The following ARMC1 variants were observed in gnomAD, a reference collection of about 807,000 sequenced individuals.
The protein encoded by ARMC1 is armadillo repeat containing 1.
A neutral mutation model predicts 31.4 loss-of-function variants in ARMC1; 16 were observed. The ratio of observed to expected loss-of-function variants is 0.51; its 90% CI spans 0.34 to 0.77. The LOEUF is 0.77. Among genes scored for constraint, ARMC1 ranks in the 30% least tolerant of loss-of-function variants. The pLI is 0.01. For synonymous variants in ARMC1, 114 were observed against 118.9 expected (o/e 0.96, Z 0.27); for missense variants, 259 against 347.5 (o/e 0.75, Z 2.02).
chr8:65,626,995 G>A (rs1357926588), intron 2 of ARMC1, among the ~76,000 whole-genome samples: 1 of 145,252 alleles, frequency 6.9e-6, no homozygotes, highest in African/African-American at 2.5e-5. Context: ...TCCAGGCCTA[G>A]ATGACTCAAA....
intron 4 of ARMC1, among the ~76,000 whole-genome samples, chr8:65,606,360 C>CA (rs11437403): frequency 0.45 from 51,638 of 115,520 alleles, 10,101 homozygotes; most frequent in Middle Eastern, 0.51. Flanking sequence ...GACACCATCT[C>CA]AAAAAAAAAA....
intron 4 of ARMC1, among the ~76,000 whole-genome samples, chr8:65,611,144 G>C (rs945912821): frequency 1.4e-4 from 21 of 152,154 alleles, no homozygotes; most frequent in African/African-American, 5.1e-4. Flanking sequence ...ATGTTGGCCA[G>C]GCTGGTCTCA....
At chr8:65,625,887 CTTTTT>C (rs1318215282) in intron 2 of ARMC1, among the ~76,000 whole-genome samples, 1 of 141,676 alleles carries the variant, frequency 7.1e-6, no homozygotes, top group African/African-American at 2.6e-5. Flanking sequence ...TTTTTAACAA[CTTTTT>C]TTTTTTTTTT....
chr8:65,610,098 T>TA (rs1001016939), intron 4 of ARMC1, among the ~76,000 whole-genome samples: 3 of 128,490 alleles, frequency 2.3e-5, no homozygotes, highest in Admixed American at 8.3e-5. Flanking sequence ...TAGACAAAAT[T>TA]AAAATTTTTT....
chr8:65,617,135 A>G (rs1185044126), intron 3 of ARMC1, among the ~76,000 whole-genome samples: 1 of 152,248 alleles, frequency 6.6e-6, no homozygotes, highest in East Asian at 1.9e-4. Context: ...CCAACAGCTC[A>G]TTGAGAACGG....
chr8:65,628,652 G>A (rs1462215353), intron 1 of ARMC1, among the ~76,000 whole-genome samples: 1 of 150,482 alleles, frequency 6.6e-6, no homozygotes, highest in East Asian at 2.0e-4. Flanking sequence ...GAGGTCAGGA[G>A]TTCGAGATCA....
chr8:65,615,705 T>G (rs1299354912), intron 3 of ARMC1, among the ~76,000 whole-genome samples: 1 of 151,672 alleles, frequency 6.6e-6, no homozygotes, highest in African/African-American at 2.4e-5. Context: ...AGGCTCCCTC[T>G]TAAAAAGAAA....
intron 1 of ARMC1, among the ~76,000 whole-genome samples, chr8:65,633,555 T>C (rs1808698488): frequency 1.3e-5 from 2 of 151,976 alleles, no homozygotes. Flanking sequence ...ACGAAAGGAG[T>C]TGCTAACTGC....
At chr8:65,629,692 G>A (rs1026568116) in intron 1 of ARMC1, among the ~76,000 whole-genome samples, 12 of 151,440 alleles carry the variant, frequency 7.9e-5, no homozygotes, top group African/African-American at 2.9e-4. Flanking sequence ...CCAGCTACTC[G>A]GGAGGCTGAG....
At position 65,613,453 on chromosome 8, in the gene ARMC1, A is replaced by G; in HGVS notation, c.276-20T>C. On this transcript the variant is annotated intron_variant, in intron 3 of 6. Coordinates refer to ENST00000276569, the MANE Select transcript of ARMC1 (RefSeq NM_018120.6). ...GTAGTTCTTGAAAAGAAACACATATATAATTAGTCTTGTCACTTCTACTGA... is the reference window on the plus strand; with the variant it reads ...GTAGTTCTTGAAAAGAAACACATATGTAATTAGTCTTGTCACTTCTACTGA... 2.6e-6 allele frequency: 4 copies of G among 1,517,946 alleles called. No individual in the cohort carries two copies. The highest frequency in any genetic ancestry group is 3.6e-6 in the Non-Finnish European group (4 of 1,126,480). The allele number at this position is 1,517,946 out of a possible 1,614,324, so 94.0% of individuals were successfully genotyped here.
chr8:65,613,964 A>AG (rs1024157739), intron 3 of ARMC1, among the ~76,000 whole-genome samples: 40 of 151,852 alleles, frequency 2.6e-4, no homozygotes, highest in African/African-American at 9.7e-4. Flanking sequence ...CATCTCAAAA[A>AG]AAAAAAAAAC....
rs71245496 is a variant in ARMC1, at chr8:65,623,307, C to CAAAAAAAAAAA, written c.184-964_184-954dup. ...TGGGCGACAGAGCAAGACTCCGTCT[C>CAAAAAAAAAAA]AAAAAAAAAAAAAAAAATGCTGGGC... On this transcript the variant is annotated intron_variant, in intron 2 of 6. Transcript: ENST00000276569. 2.3e-3 allele frequency among the ~76,000 whole-genome samples: 89 copies of CAAAAAAAAAAA among 38,254 alleles called. 9 individuals are homozygous for CAAAAAAAAAAA. The highest frequency in any genetic ancestry group is 8.7e-3 in the South Asian group (8 of 920). 25.1% of individuals were successfully genotyped at this position (38,254 alleles called of 152,430 possible).
At chr8:65,625,899 T>C (rs1390962164) in intron 2 of ARMC1, among the ~76,000 whole-genome samples, 1 of 151,806 alleles carries the variant, frequency 6.6e-6, no homozygotes, top group Non-Finnish European at 1.5e-5. Flanking sequence ...TTTTTTTTTT[T>C]TTTTTTGAGA....
Position 65,605,891 on chromosome 8 carries a change from C to T in ARMC1, c.466-353G>A, listed in dbSNP as rs558816689. 3.9e-5 allele frequency among the ~76,000 whole-genome samples: 6 copies of T among 152,284 alleles called. 1 individual carries two copies. Among genetic ancestry groups the T allele is most frequent in the African/African-American group, 1.4e-4 (6 of 41,572 alleles). ...GAAAAGCAGAGGTTCTTCTAGCTCA[C>T]GGGTGGGGAAAACTATAGTCCACCA... On this transcript the variant is annotated intron_variant, in intron 4 of 6. Transcript: ENST00000276569.
intron 5 of ARMC1, 24 bp downstream of exon 5, chr8:65,605,398 T>C (rs775965503): frequency 1.2e-6 from 2 of 1,612,728 alleles, no homozygotes; most frequent in Admixed American, 3.3e-5. Context: ...ATCTCAAGCA[T>C]ATTCAGTCTT....
chr8:65,609,031 A>T (rs1808064877), intron 4 of ARMC1, among the ~76,000 whole-genome samples: 1 of 152,168 alleles, frequency 6.6e-6, no homozygotes, highest in Admixed American at 6.5e-5. Flanking sequence ...AGTTAACATG[A>T]TAGTACAGTA....
In ARMC1 at chr8:65,616,532, T is replaced by A. The variant is rs1808263530; in HGVS notation, c.276-3099A>T. ...CCTTGGCCTCCCAAAGTGCCGAGAT[T>A]GCAGCCTCTGCCCGGCCGCCACCCC... On this transcript the variant is annotated intron_variant, in intron 3 of 6. Coordinates refer to ENST00000276569, the MANE Select transcript of ARMC1 (RefSeq NM_018120.6). Among the ~76,000 whole-genome samples, 5 of 152,150 alleles carry A rather than the reference T, an allele frequency of 3.3e-5. No individual in the cohort carries two copies. In the South Asian group the frequency reaches 6.2e-4, roughly 19 times the overall value.
intron 2 of ARMC1, 122 bp downstream of exon 2, chr8:65,627,094 A>G (rs1808526812): frequency 2.3e-6 from 2 of 851,204 alleles, no homozygotes; most frequent in Admixed American, 3.0e-5. Flanking sequence ...TTGTACCTAC[A>G]TAAATACAAA....
At chr8:65,605,613 T>C (rs1235647862) in intron 4 of ARMC1, 75 bp from the exon 5 acceptor site, 1 of 1,054,880 alleles carries the variant, frequency 9.5e-7, no homozygotes, top group Non-Finnish European at 1.5e-6. Context: ...CAAGCTATAT[T>C]TTGGAGGGGG....
Sources: allele counts gnomAD v4.1 joint callset (sites outside exome capture counted in the v4.1 genomes callset), GRCh38; gene constraint gnomAD v4.1.1; transcripts MANE v1.5; gene names NCBI Gene and HGNC (gene_info 2026-07-23, HGNC 2026-07-21).